EYS: variants seen among roughly 807,000 people sequenced by gnomAD.
EYS encodes EGF-like photoreceptor maintenance factor.
EYS carries 250 observed loss-of-function variants against 282.1 expected under a neutral mutation model. The observed-to-expected ratio is 0.89, with a 90% confidence interval of 0.80 to 0.98. The LOEUF (loss-of-function observed/expected upper bound fraction) is 0.98, where lower values mean the gene tolerates loss of function less well. Among genes scored for constraint, EYS ranks in the 50% least tolerant of loss-of-function variants. The pLI, the probability that EYS is intolerant of heterozygous loss-of-function variation, is 0.00. For synonymous variants in EYS, 1,355 were observed against 1,282.9 expected, an observed-to-expected ratio of 1.06 and a Z score of -1.20; for missense variants, 4,016 against 3,709.0, an observed-to-expected ratio of 1.08 and a Z score of -2.15.
chr6:65,618,952 G>A (rs543924425), intron 2 of EYS, among the ~76,000 whole-genome samples: 69 of 152,264 alleles, frequency 4.5e-4, no homozygotes, highest in African/African-American at 1.6e-3. Flanking sequence ...TTTGGTTACT[G>A]TAGTCTTGTA....
chr6:64,212,705 T>C (rs139597277), intron 31 of EYS, among the ~76,000 whole-genome samples: 238 of 152,212 alleles, frequency 1.6e-3, no homozygotes, highest in African/African-American at 5.5e-3. Context: ...AGTGTGACTA[T>C]TTTTCAAAGA....
chr6:63,782,813 T>C (rs1273682518), intron 39 of EYS, among the ~76,000 whole-genome samples: 1 of 152,182 alleles, frequency 6.6e-6, no homozygotes, highest in Admixed American at 6.5e-5. Context: ...TGTTTGCTCT[T>C]GCTTCTCTAG....
At chr6:64,301,752 A>G (rs943731645) in intron 30 of EYS, among the ~76,000 whole-genome samples, 2 of 152,150 alleles carry the variant, frequency 1.3e-5, no homozygotes, top group African/African-American at 4.8e-5. Flanking sequence ...TACTTCTGTG[A>G]TGTTACCTAC....
intron 29 of EYS, among the ~76,000 whole-genome samples, chr6:64,307,692 T>G (rs1013931178): frequency 1.3e-5 from 2 of 152,088 alleles, no homozygotes; most frequent in Non-Finnish European, 2.9e-5. Context: ...GGACTTTTGG[T>G]GAATGAATAG....
chr6:63,890,216 A>G (rs1296475951), intron 35 of EYS, among the ~76,000 whole-genome samples: 2 of 152,248 alleles, frequency 1.3e-5, no homozygotes, highest in African/African-American at 4.8e-5. Flanking sequence ...AAGGATATTC[A>G]GAACGTGAAC....
At chr6:64,197,759 G>T (rs1765335961) in intron 31 of EYS, among the ~76,000 whole-genome samples, 2 of 137,754 alleles carry the variant, frequency 1.5e-5, no homozygotes, top group African/African-American at 2.7e-5. Flanking sequence ...ATTTTATCTT[G>T]TTTAGGATTG....
At chr6:65,115,221 A>G (rs7754267) in intron 12 of EYS, among the ~76,000 whole-genome samples, 1 of 151,874 alleles carries the variant, frequency 6.6e-6, no homozygotes, top group African/African-American at 2.4e-5. Context: ...TTATGAAATG[A>G]ATTTCTATCA....
At chr6:64,865,980 A>T (rs1321412576) in intron 19 of EYS, among the ~76,000 whole-genome samples, 1 of 152,070 alleles carries the variant, frequency 6.6e-6, no homozygotes, top group Non-Finnish European at 1.5e-5. Context: ...CAGAAATTTT[A>T]AAAAATTAAT....
chr6:65,189,426 C>T (rs1398708614), intron 12 of EYS, among the ~76,000 whole-genome samples: 1 of 151,746 alleles, frequency 6.6e-6, no homozygotes, highest in Non-Finnish European at 1.5e-5. Context: ...ACATGTATCA[C>T]TCTATGGAAC....
chr6:64,912,389 AC>A, intron 16 of EYS, 94 bp downstream of exon 16: 1 of 1,126,754 alleles, frequency 8.9e-7, no homozygotes, highest in Non-Finnish European at 1.3e-6. Flanking sequence ...GATTTTTCCA[AC>A]CCATTTTAGG....
rs115422060 is a variant in EYS, at chr6:65,368,546, C to T, written c.1300-14929G>A. 4.6e-3 allele frequency among the ~76,000 whole-genome samples: 694 copies of T among 151,764 alleles called. 10 individuals carry two copies. The highest frequency in any genetic ancestry group is 0.016 in the African/African-American group (648 of 41,494). On this transcript the variant is annotated intron_variant, in intron 8 of 42. Coordinates refer to ENST00000503581, the MANE Select transcript of EYS (RefSeq NM_001142800.2). ...TAACAATTTTATGGCAATAAAACCA[C>T]ATGAGAATGACTTAAACATGAATCC...
chr6:64,812,957 T>C (rs1178629002), intron 22 of EYS, among the ~76,000 whole-genome samples: 1 of 152,000 alleles, frequency 6.6e-6, no homozygotes, highest in Non-Finnish European at 1.5e-5. Context: ...ATAACTCAAA[T>C]AAAATTTTTA....
chr6:64,076,202 A>G (rs990214103), intron 32 of EYS, among the ~76,000 whole-genome samples: 2 of 151,962 alleles, frequency 1.3e-5, no homozygotes, highest in South Asian at 2.1e-4. Context: ...GTTTGTTTCT[A>G]TTTATCAGAG....
At chr6:63,820,833 T>A (rs1582240826) in intron 36 of EYS, among the ~76,000 whole-genome samples, 1 of 152,188 alleles carries the variant, frequency 6.6e-6, no homozygotes, top group African/African-American at 2.4e-5. Context: ...CTGATAACGA[T>A]GATAGTAGTT....
At chr6:64,989,824 A>ACT (rs529044583) in intron 14 of EYS, among the ~76,000 whole-genome samples, 2,076 of 148,212 alleles carry the variant, frequency 0.014, 28 homozygotes, top group Non-Finnish European at 0.022. Context: ...ACACACACAC[A>ACT]CACACACACT....
At chr6:65,651,822 G>T (rs957679214) in intron 1 of EYS, among the ~76,000 whole-genome samples, 2 of 151,814 alleles carry the variant, frequency 1.3e-5, no homozygotes, top group African/African-American at 4.8e-5. Flanking sequence ...TTAATCCAAG[G>T]TATATTTTCA....
chr6:64,151,361 A>G (rs1449015186), intron 31 of EYS, among the ~76,000 whole-genome samples: 4 of 85,044 alleles, frequency 4.7e-5, no homozygotes, highest in African/African-American at 1.6e-4. Flanking sequence ...ATATATATAT[A>G]TAATTTTTTT....
chr6:64,245,881 T>C (rs563242840), intron 30 of EYS, among the ~76,000 whole-genome samples: 1 of 151,868 alleles, frequency 6.6e-6, no homozygotes, highest in Non-Finnish European at 1.5e-5. Context: ...TAGCCGGGCA[T>C]GGTGGCGCAC....
At chr6:64,143,056 A>G (rs1774391450) in intron 31 of EYS, among the ~76,000 whole-genome samples, 1 of 152,232 alleles carries the variant, frequency 6.6e-6, no homozygotes, top group Non-Finnish European at 1.5e-5. Context: ...CACTAAATGA[A>G]AGAAGCCAGT....
Sources: gnomAD v4.1 joint callset for allele counts (sites outside exome capture counted in the v4.1 genomes callset) on GRCh38, gnomAD v4.1.1 for gene constraint, MANE v1.5 for transcripts, NCBI Gene and HGNC (gene_info 2026-07-23, HGNC 2026-07-21) for gene names.